TNR: variants seen among roughly 807,000 people sequenced by gnomAD.
TNR encodes the protein tenascin R.
Under a neutral mutation model 150.4 loss-of-function variants are expected in TNR, and 45 were observed. That is an observed-to-expected ratio of 0.30 (90% CI 0.24 to 0.38). The LOEUF (loss-of-function observed/expected upper bound fraction) is 0.38. Ranked by LOEUF, TNR falls within the 10% of genes least tolerant of loss-of-function variation. TNR has a pLI of 1.00. For synonymous variants in TNR, 687 were observed against 678.4 expected, an observed-to-expected ratio of 1.01 and a Z score of -0.20; for missense variants, 1,544 against 1,759.1, an observed-to-expected ratio of 0.88 and a Z score of 2.19.
At chr1:175,622,543 G>A (rs1664014169) in intron 1 of TNR, among the ~76,000 whole-genome samples, 1 of 152,144 alleles carries the variant, frequency 6.6e-6, no homozygotes. Flanking sequence ...ATATCCACGT[G>A]CCACTCACAC....
intron 2 of TNR, among the ~76,000 whole-genome samples, chr1:175,457,288 A>C (rs1421028891): frequency 1.3e-5 from 2 of 152,232 alleles, no homozygotes; most frequent in Non-Finnish European, 2.9e-5. Context: ...TGCTGCCCCA[A>C]CCACTAGGAT....
At chr1:175,332,142 C>T (rs1260084004) in intron 20 of TNR, among the ~76,000 whole-genome samples, 2 of 152,162 alleles carry the variant, frequency 1.3e-5, no homozygotes, top group Non-Finnish European at 2.9e-5. Flanking sequence ...TGGAAAATTG[C>T]CCTTGAGCAA....
At chr1:175,510,277 A>G (rs903019898) in intron 2 of TNR, among the ~76,000 whole-genome samples, 7 of 152,136 alleles carry the variant, frequency 4.6e-5, no homozygotes, top group Non-Finnish European at 7.4e-5. Context: ...TTCCTCTTCT[A>G]AGTCCAGGGA....
chr1:175,325,893 A>T (rs1369072538), intron 21 of TNR, among the ~76,000 whole-genome samples: 2 of 152,134 alleles, frequency 1.3e-5, no homozygotes, highest in African/African-American at 4.8e-5. Flanking sequence ...GGGGAGGGAT[A>T]GCATTAGGAG....
chr1:175,657,379 A>G (rs1025983193), intron 1 of TNR, among the ~76,000 whole-genome samples: 4 of 152,198 alleles, frequency 2.6e-5, no homozygotes, highest in African/African-American at 9.7e-5. Context: ...TCAGGGATCT[A>G]GAACTAGAAA....
chr1:175,691,663 C>A (rs184076142), intron 1 of TNR, among the ~76,000 whole-genome samples: 13 of 152,250 alleles, frequency 8.5e-5, no homozygotes, highest in African/African-American at 2.9e-4. Context: ...TTATTAATCT[C>A]TTTGTCGGTT....
chr1:175,629,351 G>A (rs1022894427), intron 1 of TNR, among the ~76,000 whole-genome samples: 1 of 152,158 alleles, frequency 6.6e-6, no homozygotes, highest in Non-Finnish European at 1.5e-5. Context: ...CTCATACTAG[G>A]CTTCCAAGAG....
intron 1 of TNR, among the ~76,000 whole-genome samples, chr1:175,635,689 T>G (rs2101876961): frequency 6.6e-6 from 1 of 151,578 alleles, no homozygotes; most frequent in South Asian, 2.1e-4. Context: ...ATCATCCCAT[T>G]ATCTACACTC....
intron 2 of TNR, among the ~76,000 whole-genome samples, chr1:175,513,419 T>G (rs2102161500): frequency 6.6e-6 from 1 of 152,302 alleles, no homozygotes; most frequent in East Asian, 1.9e-4. Context: ...GGAGTTGGTC[T>G]GCCTGCAGAG....
Position 175,365,050 on chromosome 1 carries a change from G to T in TNR, c.2547C>A (p.Gly849=). The T allele has an allele frequency of 6.2e-7, 1 of 1,613,898 alleles. No individual in the cohort carries two copies. The highest frequency in any genetic ancestry group is 8.5e-7 in the Non-Finnish European group (1 of 1,179,854). Residue 849 remains glycine (G), a synonymous_variant, in exon 12 of 23, where the codon GGC becomes GGA. Transcript: ENST00000367674. ...CCACAATGGGCTCAGAGGTCACTGT[G>T]CCATGGACAGCCACAAGGTTCACAA... ...EYIVNLVAVH[G]TVTSEPIVGS... is the part of the protein sequence containing the mutation.
chr1:175,621,315 G>A (rs1663968927), intron 1 of TNR, among the ~76,000 whole-genome samples: 1 of 152,072 alleles, frequency 6.6e-6, no homozygotes, highest in Admixed American at 6.6e-5. Context: ...CTTACTGCCT[G>A]CTGAATCAAG....
rs759114134 is a variant in TNR at position 175,403,266 on chromosome 1, C to A, written c.850G>T (p.Glu284Ter). The A allele has an allele frequency of 6.2e-7, 1 of 1,614,050 alleles. No homozygotes were observed. The highest frequency in any genetic ancestry group is 1.3e-5 in the African/African-American group (1 of 74,924). Residue 284 changes from glutamate to a stop codon, truncating the protein, a stop_gained, in exon 4 of 23, where the codon GAG becomes TAG. Transcript: ENST00000367674. LOFTEE classifies it high-confidence loss of function. ...GRCANGTCLC[E>*]EGYVGEDCGQ... ...CAGTCCTCACCAACGTAGCCCTCCT[C>A]GCATAAACAGGTACCGTTGGCACAT...
chr1:175,476,165 A>G (rs939475090), intron 2 of TNR, among the ~76,000 whole-genome samples: 6 of 152,134 alleles, frequency 3.9e-5, no homozygotes, highest in African/African-American at 1.2e-4. Flanking sequence ...AAGAGGTGAG[A>G]GTCCTCAGTG....
chr1:175,696,834 G>A lies in TNR; in HGVS notation c.-165+46392C>T, dbSNP rs187904125. 1.8e-3 allele frequency among the ~76,000 whole-genome samples: 265 copies of A among 149,220 alleles called. 1 individual carries two copies. Among genetic ancestry groups the A allele is most frequent in the Non-Finnish European group, 3.1e-3 (212 of 67,754 alleles). On this transcript the variant is annotated intron_variant, in intron 1 of 22. Transcript: ENST00000367674. ...GTGGAGGTTACAGTGGGCCGAGATCGTGCCATTGCACTTCAGCCTGGGCAA... is the reference window on the plus strand; with the variant it reads ...GTGGAGGTTACAGTGGGCCGAGATCATGCCATTGCACTTCAGCCTGGGCAA...
chr1:175,638,454 T>A (rs1664551613), intron 1 of TNR, among the ~76,000 whole-genome samples: 2 of 152,224 alleles, frequency 1.3e-5, no homozygotes, highest in African/African-American at 4.8e-5. Flanking sequence ...TTCGGATGGC[T>A]TCGCGGTAAG....
intron 4 of TNR, among the ~76,000 whole-genome samples, chr1:175,399,812 T>C (rs1653612975): frequency 6.6e-6 from 1 of 152,224 alleles, no homozygotes; most frequent in Non-Finnish European, 1.5e-5. Context: ...TCTGCAAAGA[T>C]GCCATGCTGT....
chr1:175,624,931 G>A (rs1664098835), intron 1 of TNR, among the ~76,000 whole-genome samples: 1 of 152,224 alleles, frequency 6.6e-6, no homozygotes, highest in South Asian at 2.1e-4. Context: ...GCCTTCAGCT[G>A]AGCACCTCCT....
intron 1 of TNR, among the ~76,000 whole-genome samples, chr1:175,656,046 G>A (rs1484823023): frequency 6.6e-6 from 1 of 152,138 alleles, no homozygotes; most frequent in South Asian, 2.1e-4. Flanking sequence ...AAGGGGCAGT[G>A]GCACACTGAA....
intron 1 of TNR, among the ~76,000 whole-genome samples, chr1:175,532,076 T>G (rs1028281819): frequency 3.7e-4 from 57 of 152,226 alleles, no homozygotes; most frequent in African/African-American, 1.4e-3. Context: ...ACTGCAGAGA[T>G]TTCAGACTTC....
Sources: gnomAD v4.1 joint callset for allele counts (sites outside exome capture counted in the v4.1 genomes callset) on GRCh38, gnomAD v4.1.1 for gene constraint, MANE v1.5 for transcripts, NCBI Gene and HGNC (gene_info 2026-07-23, HGNC 2026-07-21) for gene names.